ADAMTSL1: variants seen among roughly 807,000 people sequenced by gnomAD.
ADAMTSL1 encodes ADAMTS like 1, also known as ADAMTS-like protein 1.
In ADAMTSL1, 126 loss-of-function variants were observed where a neutral mutation model predicts 201.8. The ratio of observed to expected loss-of-function variants is 0.62; its 90% confidence interval spans 0.54 to 0.72. ADAMTSL1 has a LOEUF of 0.72. ADAMTSL1 is among the 30% of genes least tolerant of loss of function. The pLI, the probability that ADAMTSL1 is intolerant of heterozygous loss-of-function variation, is 0.00. For missense variants in ADAMTSL1, 2,679 were observed against 2,277.8 expected (o/e 1.18, Z -3.59); for synonymous variants, 1,121 against 903.4 (o/e 1.24, Z -4.32).
chr9:18,674,200 A>G (rs1020789223), intron 9 of ADAMTSL1, among the ~76,000 whole-genome samples: 21 of 139,684 alleles, frequency 1.5e-4, no homozygotes, highest in East Asian at 1.0e-3. Context: ...ACACACAGGC[A>G]CACACACACA....
chr9:18,467,198 G>A (rs1327249441), intron 2 of ADAMTSL1, among the ~76,000 whole-genome samples: 1 of 152,164 alleles, frequency 6.6e-6, no homozygotes, highest in Non-Finnish European at 1.5e-5. Flanking sequence ...AAACAGGGTA[G>A]CAGGTGAAAA....
rs528316593 is a variant in ADAMTSL1 at position 18,122,561 on chromosome 9, C to A, written c.88-41301C>A. Among the ~76,000 whole-genome samples, 133 of 152,230 alleles carry A rather than the reference C, an allele frequency of 8.7e-4. 4 individuals are homozygous for A. In the South Asian group the frequency reaches 0.028, roughly 32 times the overall value. On this transcript the variant is annotated intron_variant, in intron 1 of 29. Transcript: ENST00000680146. ...TTCTACTAGTGTGATTTATGCTAAG[C>A]ATAAATGGCCTAAGTTTTCTGTGGT... is the stretch of plus-strand genomic sequence containing the variant.
chr9:18,905,875 T>G lies in ADAMTSL1; in HGVS notation c.4945T>G (p.Cys1649Gly). 6.2e-7 allele frequency: 1 copy of G among 1,611,940 alleles called. No homozygotes were observed. Among genetic ancestry groups the G allele is most frequent in the Non-Finnish European group, 8.5e-7 (1 of 1,178,856 alleles). ...RDGITLPSEQCSALPRPVSTQ... is the reference protein window; with the variant it reads ...RDGITLPSEQGSALPRPVSTQ... The stretch of plus-strand genomic sequence containing the variant: ...TGGCATCACCTTACCATCAGAGCAG[T>G]GCAGTGCTCTTCCGAGGTAAGAGAA... The change falls in exon 27 of 29, where the codon TGC becomes GGC. Residue 1649 changes from cysteine to glycine, a missense_variant. Physicochemically the swap from Cys to Gly is radical, Grantham distance 159 (BLOSUM62 -3). Coordinates refer to ENST00000380548, the MANE Select transcript of ADAMTSL1 (RefSeq NM_001040272.6).
intron 1 of ADAMTSL1, among the ~76,000 whole-genome samples, chr9:18,122,670 T>C (rs1825551660): frequency 6.6e-6 from 1 of 152,192 alleles, no homozygotes; most frequent in African/African-American, 2.4e-5. Context: ...AATATATTCA[T>C]AGAGATTAGC....
At chr9:18,307,860 A>G (rs1056675761) in intron 2 of ADAMTSL1, among the ~76,000 whole-genome samples, 2 of 152,200 alleles carry the variant, frequency 1.3e-5, no homozygotes, top group Non-Finnish European at 2.9e-5. Context: ...AGACATCTAT[A>G]GGACTCTTCA....
intron 23 of ADAMTSL1, among the ~76,000 whole-genome samples, chr9:18,877,661 G>A (rs1254918326): frequency 6.6e-6 from 1 of 152,142 alleles, no homozygotes; most frequent in Non-Finnish European, 1.5e-5. Flanking sequence ...CTCTGTGAGG[G>A]TCCTTGGTTG....
intron 1 of ADAMTSL1, among the ~76,000 whole-genome samples, chr9:17,930,554 T>C (rs775360028): frequency 6.6e-6 from 1 of 152,086 alleles, no homozygotes; most frequent in Non-Finnish European, 1.5e-5. Flanking sequence ...CTCTGGCACA[T>C]TGTGCTTGGA....
At chr9:18,536,775 G>T (rs1302853621) in intron 3 of ADAMTSL1, among the ~76,000 whole-genome samples, 1 of 152,140 alleles carries the variant, frequency 6.6e-6, no homozygotes, top group African/African-American at 2.4e-5. Flanking sequence ...GGTCATTTAG[G>T]TCTCAGAGAT....
intron 7 of ADAMTSL1, among the ~76,000 whole-genome samples, chr9:18,647,403 T>C (rs200390248): frequency 6.6e-6 from 1 of 151,810 alleles, no homozygotes; most frequent in Non-Finnish European, 1.5e-5. Context: ...CTGCTCTGAT[T>C]TTAGTTATTT....
intron 4 of ADAMTSL1, among the ~76,000 whole-genome samples, chr9:18,607,732 C>T (rs1018143193): frequency 6.6e-6 from 1 of 151,960 alleles, no homozygotes; most frequent in Non-Finnish European, 1.5e-5. Flanking sequence ...CCCCCCTACC[C>T]CCACCCCACA....
intron 23 of ADAMTSL1, among the ~76,000 whole-genome samples, chr9:18,860,526 C>G (rs1183593303): frequency 6.6e-6 from 1 of 151,244 alleles, no homozygotes; most frequent in African/African-American, 2.4e-5. Flanking sequence ...AAAAAAATTG[C>G]CAACTCCTGC....
chr9:18,723,035 C>A, intron 15 of ADAMTSL1: 1 of 779,898 alleles, frequency 1.3e-6, no homozygotes, highest in South Asian at 1.3e-5. Flanking sequence ...ATCGACTCAG[C>A]ATGGAACGCC....
chr9:18,895,519 C>A (rs1381050546), intron 26 of ADAMTSL1, among the ~76,000 whole-genome samples: 12 of 151,252 alleles, frequency 7.9e-5, no homozygotes, highest in Non-Finnish European at 1.5e-4. Flanking sequence ...CCTGCAGACA[C>A]CTGGGAAAAG....
intron 1 of ADAMTSL1, among the ~76,000 whole-genome samples, chr9:17,922,413 A>C (rs974361249): frequency 2.6e-5 from 4 of 152,164 alleles, no homozygotes; most frequent in African/African-American, 9.7e-5. Flanking sequence ...GATCTGTGCA[A>C]CTAAAAGCTG....
intron 2 of ADAMTSL1, among the ~76,000 whole-genome samples, chr9:18,385,803 T>C (rs1179258858): frequency 1.3e-5 from 2 of 152,226 alleles, no homozygotes; most frequent in Admixed American, 6.5e-5. Context: ...TTTCACTTCA[T>C]GCTTGTCACA....
At chr9:18,225,628 T>A (rs1174452420) in intron 2 of ADAMTSL1, among the ~76,000 whole-genome samples, 1 of 152,168 alleles carries the variant, frequency 6.6e-6, no homozygotes, top group Non-Finnish European at 1.5e-5. Context: ...CTCTTTTAGA[T>A]AACCTTCAGT....
At chr9:18,559,357 T>C (rs999846387) in intron 3 of ADAMTSL1, among the ~76,000 whole-genome samples, 3 of 152,194 alleles carry the variant, frequency 2.0e-5, no homozygotes, top group Non-Finnish European at 2.9e-5. Flanking sequence ...TTCAGTTCCA[T>C]TGGTCTATAT....
At position 18,018,704 on chromosome 9, in the gene ADAMTSL1, C is replaced by T. The variant is rs143733836; in HGVS notation, c.87+111782C>T. Among the ~76,000 whole-genome samples the T allele has an allele frequency of 3.6e-3, 542 of 152,156 alleles. 1 individual carries two copies. The highest frequency in any genetic ancestry group is 6.4e-3 in the Admixed American group (98 of 15,256). The stretch of plus-strand genomic sequence containing the variant: ...TGAGTCTTCGGATGAGACCACAGCC[C>T]CAGTCATCAACTTAACTGCAGTTTC... On this transcript the variant is annotated intron_variant, in intron 1 of 29. Coordinates refer to the ADAMTSL1 transcript ENST00000680146.
intron 2 of ADAMTSL1, among the ~76,000 whole-genome samples, chr9:18,377,994 G>T (rs548756345): frequency 6.6e-6 from 1 of 152,252 alleles, no homozygotes; most frequent in African/African-American, 2.4e-5. Context: ...GAAAGCTGCT[G>T]GGGTGCCAGC....
Sources: gnomAD v4.1 joint callset for allele counts (sites outside exome capture counted in the v4.1 genomes callset) on GRCh38, gnomAD v4.1.1 for gene constraint, MANE v1.5 for transcripts, NCBI Gene and HGNC (gene_info 2026-07-23, HGNC 2026-07-21) for gene names.